PUM1: variants seen among roughly 807,000 people sequenced by gnomAD.
The protein encoded by PUM1 is pumilio homolog 1.
In PUM1, 13 loss-of-function variants were observed where a neutral mutation model predicts 131.8. The ratio of observed to expected loss-of-function variants is 0.10; its 90% CI spans 0.06 to 0.16. PUM1 has a LOEUF of 0.16. Among genes scored for constraint, PUM1 ranks in the 10% least tolerant of loss-of-function variants. The pLI is 1.00. For synonymous variants in PUM1, 509 were observed against 556.5 expected (o/e 0.91, Z 1.20); for missense variants, 961 against 1,512.4 (o/e 0.64, Z 6.05).
intron 2 of PUM1, among the ~76,000 whole-genome samples, chr1:31,048,725 C>T (rs1024507567): frequency 7.2e-5 from 11 of 151,942 alleles, no homozygotes; most frequent in South Asian, 2.1e-4. Context: ...CCGCCTGCCT[C>T]GGCCTCCCAA....
chr1:31,058,349 CAA>C (rs1336425911), intron 2 of PUM1, among the ~76,000 whole-genome samples: 1 of 152,044 alleles, frequency 6.6e-6, no homozygotes, highest in East Asian at 1.9e-4. Context: ...TCCTTTGTTC[CAA>C]AAAAAGTGTT....
intron 3 of PUM1, among the ~76,000 whole-genome samples, chr1:31,008,227 A>T (rs1232074638): frequency 2.0e-5 from 3 of 152,138 alleles, no homozygotes; most frequent in Non-Finnish European, 4.4e-5. Flanking sequence ...ACTAAAATAA[A>T]TCTCTGCTTC....
intron 5 of PUM1, among the ~76,000 whole-genome samples, chr1:31,000,562 G>A (rs1018290907): frequency 2.6e-5 from 4 of 152,122 alleles, no homozygotes; most frequent in African/African-American, 7.2e-5. Flanking sequence ...ATAAAGGGGG[G>A]AATACTTCCT....
intron 20 of PUM1, 89 bp downstream of exon 20, chr1:30,941,062 A>C: frequency 7.2e-7 from 1 of 1,396,382 alleles, no homozygotes. Flanking sequence ...CAACAACAAC[A>C]ACAACAACAT....
At chr1:30,968,599 C>T in intron 10 of PUM1, 107 bp from the exon 11 acceptor site, 1 of 1,203,532 alleles carries the variant, frequency 8.3e-7, no homozygotes, top group Non-Finnish European at 1.1e-6. Flanking sequence ...AAATTGTTTC[C>T]CTATAATGGT....
At chr1:30,977,678 T>C (rs549279813) in intron 9 of PUM1, among the ~76,000 whole-genome samples, 93 of 152,292 alleles carry the variant, frequency 6.1e-4, no homozygotes, top group Non-Finnish European at 9.9e-4. Context: ...TTAACTCATT[T>C]TCACCCTGGC....
At chr1:31,056,982 A>G (rs1644256139) in intron 2 of PUM1, among the ~76,000 whole-genome samples, 1 of 151,384 alleles carries the variant, frequency 6.6e-6, no homozygotes, top group East Asian at 2.0e-4. Flanking sequence ...TAGTAGAGAC[A>G]GGGTTTCACC....
intron 10 of PUM1, chr1:30,973,088 ATTTATT>A (rs1437861781): frequency 1.4e-5 from 3 of 209,410 alleles, no homozygotes; most frequent in Non-Finnish European, 1.0e-5. Context: ...CTCAAAACAA[ATTTATT>A]TTAACAGATC....
chr1:31,063,852 A>T (rs1311333034), intron 1 of PUM1, among the ~76,000 whole-genome samples: 1 of 152,242 alleles, frequency 6.6e-6, no homozygotes, highest in Non-Finnish European at 1.5e-5. Flanking sequence ...AACCTGGCAG[A>T]ACAGTTTCAA....
chr1:30,965,042 T>C, intron 13 of PUM1, 132 bp from the exon 14 acceptor site: 2 of 684,802 alleles, frequency 2.9e-6, no homozygotes, highest in South Asian at 1.8e-5. Flanking sequence ...AGCCTAACTG[T>C]TAATGTAGCA....
At chr1:30,989,542 A>T (rs1433595704) in intron 7 of PUM1, among the ~76,000 whole-genome samples, 1 of 131,626 alleles carries the variant, frequency 7.6e-6, no homozygotes, top group Non-Finnish European at 1.5e-5. Flanking sequence ...ACTGAACTCC[A>T]GCCTGGGCAA....
chr1:31,054,083 G>A (rs182616346), intron 2 of PUM1, among the ~76,000 whole-genome samples: 1,042 of 93,070 alleles, frequency 0.011, 10 homozygotes, highest in Non-Finnish European at 0.012. Flanking sequence ...TACAGAGCAA[G>A]ACTTTATTTC....
chr1:31,054,093 C>CAAAAAA (rs368330168), intron 2 of PUM1, among the ~76,000 whole-genome samples: 3 of 54,884 alleles, frequency 5.5e-5, no homozygotes, highest in Non-Finnish European at 1.0e-4. Flanking sequence ...GACTTTATTT[C>CAAAAAA]AAAAAAAAAA....
chr1:31,048,447 CT>C (rs989027978), intron 2 of PUM1, among the ~76,000 whole-genome samples: 5 of 150,580 alleles, frequency 3.3e-5, no homozygotes, highest in African/African-American at 1.2e-4. Flanking sequence ...AAGGTAAATT[CT>C]TTTTTCTTTT....
chr1:31,018,363 G>A (rs6425694), intron 3 of PUM1, among the ~76,000 whole-genome samples: 104,488 of 151,566 alleles, frequency 0.69, 37,391 homozygotes, highest in East Asian at 0.87. Flanking sequence ...AAATAAAAAT[G>A]AAAAAAATTA....
chr1:30,969,682 A>G (rs1457269245), intron 10 of PUM1, among the ~76,000 whole-genome samples: 1 of 152,008 alleles, frequency 6.6e-6, no homozygotes, highest in Non-Finnish European at 1.5e-5. Flanking sequence ...AGTGCAGGGA[A>G]GAGACAGGGC....
chr1:30,992,281 G>A, intron 7 of PUM1, 109 bp downstream of exon 7: 3 of 1,411,600 alleles, frequency 2.1e-6, no homozygotes, highest in Non-Finnish European at 2.9e-6. Context: ...GCTAGCTATG[G>A]ATAGCCTGAA....
chr1:31,058,626 C>T (rs1644301750), intron 2 of PUM1, among the ~76,000 whole-genome samples: 1 of 142,842 alleles, frequency 7.0e-6, no homozygotes, highest in African/African-American at 2.6e-5. Context: ...CGCGCCAGTG[C>T]ACTCCAGCCT....
intron 11 of PUM1, among the ~76,000 whole-genome samples, chr1:30,967,960 G>GT (rs779611862): frequency 5.1e-4 from 77 of 152,248 alleles, no homozygotes; most frequent in South Asian, 1.2e-3. Context: ...CCTTAAAAAC[G>GT]TAAGGGATGA....
Sources: gnomAD v4.1 joint callset for allele counts (sites outside exome capture counted in the v4.1 genomes callset) on GRCh38, gnomAD v4.1.1 for gene constraint, MANE v1.5 for transcripts, NCBI Gene and HGNC (gene_info 2026-07-23, HGNC 2026-07-21) for gene names.